PCDH7: variants seen among roughly 807,000 people sequenced by gnomAD.
PCDH7 encodes the protein protocadherin-7.
Under a neutral mutation model 58.9 loss-of-function variants are expected in PCDH7, and 17 were observed. The ratio of observed to expected loss-of-function variants is 0.29; its 90% CI spans 0.20 to 0.43. The LOEUF (loss-of-function observed/expected upper bound fraction) is 0.43, where lower values mean the gene tolerates loss of function less well. PCDH7 is among the 20% of genes least tolerant of loss of function. The probability of loss-of-function intolerance (pLI) is 1.00; values close to 1 mark genes in which losing one functional copy is unlikely to be tolerated. For missense variants in PCDH7, 1,274 were observed against 1,441.0 expected (o/e 0.88, Z 1.88); for synonymous variants, 664 against 616.4 (o/e 1.08, Z -1.14).
intron 1 of PCDH7, among the ~76,000 whole-genome samples, chr4:30,746,617 C>G (rs1473391951): frequency 1.3e-5 from 2 of 152,298 alleles, no homozygotes; most frequent in East Asian, 3.9e-4. Context: ...CTGTGTAATT[C>G]TCTCAGGGCC....
chr4:30,739,409 G>A (rs969601022), intron 1 of PCDH7, among the ~76,000 whole-genome samples: 3 of 148,300 alleles, frequency 2.0e-5, no homozygotes, highest in Non-Finnish European at 4.4e-5. Flanking sequence ...CTTGTTGAGG[G>A]AAATGGCAAT....
At chr4:31,097,847 G>A (rs1714355386) in intron 3 of PCDH7, among the ~76,000 whole-genome samples, 1 of 151,338 alleles carries the variant, frequency 6.6e-6, no homozygotes, top group African/African-American at 2.4e-5. Flanking sequence ...TCTTAATTAT[G>A]AGACTCTTTT....
chr4:30,971,655 G>A (rs1749597645), intron 3 of PCDH7, among the ~76,000 whole-genome samples: 1 of 152,186 alleles, frequency 6.6e-6, no homozygotes. Flanking sequence ...AGGATGCACA[G>A]TAAGTGATAC....
chr4:30,966,738 G>T (rs760459984), intron 3 of PCDH7, among the ~76,000 whole-genome samples: 1 of 152,078 alleles, frequency 6.6e-6, no homozygotes, highest in African/African-American at 2.4e-5. Flanking sequence ...ACTTGGCCTT[G>T]TTGCAAATAG....
chr4:30,876,645 ATAT>A (rs1736325951), intron 1 of PCDH7, among the ~76,000 whole-genome samples: 2 of 152,086 alleles, frequency 1.3e-5, no homozygotes, highest in African/African-American at 4.8e-5. Flanking sequence ...AATATGTGAA[ATAT>A]TATAAGATCA....
At position 30,724,610 on chromosome 4, in the gene PCDH7, C is replaced by T; in HGVS notation, c.3174+14C>T. 1.9e-6 allele frequency: 3 copies of T among 1,610,386 alleles called. No homozygotes were observed. The highest frequency in any genetic ancestry group is 2.5e-6 in the Non-Finnish European group (3 of 1,177,436). ...TACAGCAAACAGGTAAGATGTATCC[C>T]AAATATATTTAAATATCCCAGGGAG... is the stretch of plus-strand genomic sequence containing the variant. On this transcript the variant is annotated intron_variant, in intron 1 of 1. Transcript: ENST00000361762.
At chr4:30,893,488 T>G (rs1738880944) in intron 1 of PCDH7, among the ~76,000 whole-genome samples, 1 of 152,100 alleles carries the variant, frequency 6.6e-6, no homozygotes, top group African/African-American at 2.4e-5. Flanking sequence ...TCTGTCTTCT[T>G]ATTTCTGAAA....
intron 3 of PCDH7, among the ~76,000 whole-genome samples, chr4:31,126,126 C>CTTT (rs555596051): frequency 3.9e-5 from 5 of 128,338 alleles, no homozygotes; most frequent in African/African-American, 8.7e-5. Flanking sequence ...CATATCCTTT[C>CTTT]TTTTTTTTTT....
chr4:30,807,266 T>C (rs1348922), intron 1 of PCDH7, among the ~76,000 whole-genome samples: 2 of 152,252 alleles, frequency 1.3e-5, no homozygotes, highest in Admixed American at 1.3e-4. Context: ...GAAGATTCTA[T>C]TTGTTTTTAT....
intron 3 of PCDH7, among the ~76,000 whole-genome samples, chr4:30,968,352 A>ATG (rs1749201379): frequency 6.3e-5 from 2 of 31,498 alleles, no homozygotes; most frequent in Admixed American, 7.3e-4. Flanking sequence ...ATATATATAT[A>ATG]CACACACTAT....
intron 3 of PCDH7, among the ~76,000 whole-genome samples, chr4:30,969,696 G>A (rs1749382900): frequency 1.3e-5 from 2 of 152,100 alleles, no homozygotes; most frequent in South Asian, 4.1e-4. Context: ...GAGAATGCAC[G>A]CATTAAAATT....
intron 1 of PCDH7, among the ~76,000 whole-genome samples, chr4:30,875,155 G>T (rs1578131242): frequency 6.6e-6 from 1 of 152,054 alleles, no homozygotes; most frequent in East Asian, 1.9e-4. Flanking sequence ...AAATCAAGGT[G>T]GTTGCACCGT....
intron 1 of PCDH7, among the ~76,000 whole-genome samples, chr4:30,894,724 C>T (rs1739183528): frequency 6.7e-6 from 1 of 149,114 alleles, no homozygotes; most frequent in African/African-American, 2.5e-5. Context: ...TTTATATGAC[C>T]ATGTGACTAC....
intron 3 of PCDH7, among the ~76,000 whole-genome samples, chr4:31,114,713 G>A (rs957833962): frequency 1.3e-5 from 2 of 151,704 alleles, no homozygotes; most frequent in Admixed American, 6.6e-5. Flanking sequence ...GCAAAGGAAA[G>A]TGGCAGGGAT....
chr4:31,044,240 C>T (rs1197626271), intron 3 of PCDH7, among the ~76,000 whole-genome samples: 1 of 152,010 alleles, frequency 6.6e-6, no homozygotes, highest in East Asian at 1.9e-4. Context: ...CAGACATTCT[C>T]AAGATTAACA....
intron 1 of PCDH7, among the ~76,000 whole-genome samples, chr4:30,791,109 T>C (rs976212002): frequency 6.6e-6 from 1 of 152,084 alleles, no homozygotes; most frequent in Non-Finnish European, 1.5e-5. Context: ...GGAACCTAGA[T>C]GGAATGAGGA....
chr4:30,883,924 G>A, intron 1 of PCDH7, among the ~76,000 whole-genome samples: 1 of 152,136 alleles, frequency 6.6e-6, no homozygotes, highest in Non-Finnish European at 1.5e-5. Flanking sequence ...GGTAACTGTG[G>A]CAGCAGCCAG....
intron 1 of PCDH7, among the ~76,000 whole-genome samples, chr4:30,739,692 A>C (rs1347330096): frequency 6.6e-6 from 1 of 152,184 alleles, no homozygotes; most frequent in Non-Finnish European, 1.5e-5. Flanking sequence ...ATTTATGTGT[A>C]GTGGACGTAT....
exon 1 of PCDH7, chr4:30,724,376 G>A (rs146009198): frequency 3.0e-5 from 48 of 1,613,952 alleles, no homozygotes; most frequent in Non-Finnish European, 3.6e-5. Context: ...TCCGTTAATG[G>A]TGGGCCCGGC....
Sources: gnomAD v4.1 joint callset for allele counts (sites outside exome capture counted in the v4.1 genomes callset) on GRCh38, gnomAD v4.1.1 for gene constraint, MANE v1.5 for transcripts, NCBI Gene and HGNC (gene_info 2026-07-23, HGNC 2026-07-21) for gene names.